The following PODNL1 variants were observed in gnomAD, a reference collection of about 807,000 sequenced individuals.
PODNL1 encodes the protein podocan like 1, also known as podocan-like protein 1.
Under a neutral mutation model 45.1 loss-of-function variants are expected in PODNL1, and 50 were observed. That is an observed-to-expected ratio of 1.11 (90% CI 0.88 to 1.40). The LOEUF (loss-of-function observed/expected upper bound fraction) is 1.40. PODNL1 is among the 40% of genes most tolerant of loss of function. The pLI is 0.00. For synonymous variants in PODNL1, 406 were observed against 372.5 expected (o/e 1.09, Z -1.04); for missense variants, 788 against 793.3 (o/e 0.99, Z 0.08).
At chr19:13,947,044 C>A (rs1387543155) in intron 1 of PODNL1, among the ~76,000 whole-genome samples, 9 of 138,478 alleles carry the variant, frequency 6.5e-5, no homozygotes, top group Admixed American at 7.1e-5. Flanking sequence ...AAAAAAAAAA[C>A]ACAAAAAAAC....
At position 13,932,916 on chromosome 19, in the gene PODNL1, A is replaced by AGCTGGTTGCG. The variant is rs1202439285; in HGVS notation, c.1306_1307insCGCAACCAGC (p.Met436ThrfsTer38). 4.4e-6 allele frequency: 7 copies of AGCTGGTTGCG among 1,582,304 alleles called. No homozygotes were observed. The highest frequency in any genetic ancestry group is 1.7e-4 in the Middle Eastern group (1 of 6,032). On this transcript the variant is annotated frameshift_variant, in exon 8 of 10. Transcript: ENST00000588872. LOFTEE classifies it high-confidence loss of function. Reference sequence around the variant, plus strand: ...GCCGGCCAGAGGCTCGGGCTCGAGCATCCGCAGCTGGTTGCGTTGCAGCTG... The same window carrying AGCTGGTTGCG: ...GCCGGCCAGAGGCTCGGGCTCGAGCAGCTGGTTGCGTCCGCAGCTGGTTGCGTTGCAGCTG...
chr19:13,936,545 C>A, intron 2 of PODNL1, 85 bp from the exon 3 acceptor site: 1 of 1,083,510 alleles, frequency 9.2e-7, no homozygotes, highest in Non-Finnish European at 1.4e-6. Context: ...CCCATCAGCC[C>A]AAACCAGCCC....
chr19:13,938,124 A>AG, intron 1 of PODNL1, 55 bp downstream of exon 1: 1 of 1,521,906 alleles, frequency 6.6e-7, no homozygotes, highest in Non-Finnish European at 8.9e-7. Flanking sequence ...TTGGCAGAGC[A>AG]GGGGTGGGGG....
intron 2 of PODNL1, 135 bp downstream of exon 2, chr19:13,937,650 A>C (rs1972461763): frequency 5.1e-6 from 4 of 787,100 alleles, no homozygotes; most frequent in Non-Finnish European, 8.0e-6. Context: ...GCTCCATCAC[A>C]GCCTGCTCTG....
rs750035660 is a variant in PODNL1, at chr19:13,933,289, G to A, written c.934C>T (p.Gln312Ter). Residue 312 changes from glutamine (Q) to a stop codon, truncating the protein, a stop_gained, in exon 8 of 10, where the codon CAG (glutamine) becomes TAG (stop). Transcript: ENST00000588872. LOFTEE classifies it high-confidence loss of function. The surrounding 1 kb of genome is among the most constrained non-coding windows in gnomAD (Gnocchi z 5.2). ...CCTGAGCTCCCCAGCTGGTTGTGCT[G>A]CAGCAACAAATAGCGCAGACCACGC... ...GARGLRYLLL[Q>*]HNQLGSSGLP... 3.8e-6 allele frequency: 6 copies of A among 1,578,140 alleles called. No individual in the cohort carries two copies. The East Asian group carries it at 6.9e-5, about 18-fold the overall frequency.
chr19:13,944,223 A>AGG (rs1972746005), intron 1 of PODNL1, among the ~76,000 whole-genome samples: 1 of 145,840 alleles, frequency 6.9e-6, no homozygotes, highest in African/African-American at 2.5e-5. Context: ...GCAGTGGCGC[A>AGG]ATCTCGGCGG....
At chr19:13,944,023 A>T (rs1972738498) in intron 1 of PODNL1, among the ~76,000 whole-genome samples, 1 of 152,100 alleles carries the variant, frequency 6.6e-6, no homozygotes, top group African/African-American at 2.4e-5. Flanking sequence ...AACAATGTAG[A>T]TCATTTCCAT....
intron 5 of PODNL1, 134 bp downstream of exon 5, chr19:13,935,587 A>C: frequency 1.6e-6 from 1 of 610,668 alleles, no homozygotes; most frequent in Non-Finnish European, 2.6e-6. Context: ...TTGGCCTCCC[A>C]AAGTGCTAGG....
intron 5 of PODNL1, 96 bp downstream of exon 5, chr19:13,935,625 C>T: frequency 1.0e-6 from 1 of 964,322 alleles, no homozygotes; most frequent in Non-Finnish European, 1.5e-6. Flanking sequence ...CTGCACCCGG[C>T]CGAGGGCAAG....
Position 13,938,293 on chromosome 19 carries a change from CAG to C in PODNL1, c.-114_-113del, listed in dbSNP as rs1972518496. On this transcript the variant is annotated 5_prime_UTR_variant, in exon 1 of 10. It removes the in-frame stop codon of an upstream open reading frame in the 5' UTR. Coordinates refer to ENST00000588872, the MANE Select transcript of PODNL1 (RefSeq NM_001370095.3). ...TGTGGCCACCACCGCCCCCCATCTCCAGACCCATGCCACCCCCCACAACAGCC... is the reference window on the plus strand; with the variant it reads ...TGTGGCCACCACCGCCCCCCATCTCCACCCATGCCACCCCCCACAACAGCC... 4 of 1,477,466 alleles carry C rather than the reference CAG, an allele frequency of 2.7e-6. No individual in the cohort carries two copies. In the African/African-American group the frequency reaches 5.6e-5, roughly 21 times the overall value. 91.5% of individuals were successfully genotyped at this position (1,477,466 alleles called of 1,614,324 possible).
chr19:13,936,161 C>T lies in PODNL1; in HGVS notation c.320-117G>A, dbSNP rs1972336803. On this transcript the variant is annotated intron_variant, in intron 3 of 9. Coordinates refer to ENST00000588872, the MANE Select transcript of PODNL1 (RefSeq NM_001370095.3). ...GGGAACTGGCAGAGGCTCCCCAGGCCCTCAGATCCCCTCCTCCCCATCCCT... is the reference window on the plus strand; with the variant it reads ...GGGAACTGGCAGAGGCTCCCCAGGCTCTCAGATCCCCTCCTCCCCATCCCT... 7 of 986,024 alleles carry T rather than the reference C, an allele frequency of 7.1e-6. 1 individual carries two copies. In the South Asian group the frequency reaches 8.9e-5, roughly 13 times the overall value. The allele number at this position is 986,024 out of a possible 1,614,324, so 61.1% of individuals were successfully genotyped here. A position where few individuals can be genotyped will look rare whatever the true frequency, so the allele number is the denominator to read the frequency against.
At chr19:13,947,493 GA>G (rs1031605485) in intron 1 of PODNL1, among the ~76,000 whole-genome samples, 8 of 142,964 alleles carry the variant, frequency 5.6e-5, no homozygotes, top group South Asian at 2.2e-4. Context: ...AAAAAAAAAA[GA>G]AAAAAAAAAG....
chr19:13,941,392 G>A (rs1474814730), upstream of PODNL1, among the ~76,000 whole-genome samples: 4 of 151,308 alleles, frequency 2.6e-5, no homozygotes, highest in Admixed American at 6.6e-5. Flanking sequence ...AAAGTATAGC[G>A]TCTGCTCAGC....
chr19:13,945,897 A>AAC (rs1568443170), intron 1 of PODNL1, among the ~76,000 whole-genome samples: 5 of 150,048 alleles, frequency 3.3e-5, no homozygotes, highest in Non-Finnish European at 1.5e-5. Context: ...AAAAAAAAAA[A>AAC]AACAAACTTT....
At chr19:13,935,213 G>A (rs1599431206) in intron 5 of PODNL1, among the ~76,000 whole-genome samples, 1 of 151,988 alleles carries the variant, frequency 6.6e-6, no homozygotes, top group African/African-American at 2.4e-5. Flanking sequence ...CAGCATACAG[G>A]GCCCTGTCTC....
At chr19:13,936,098 G>A (rs1014224485) in intron 3 of PODNL1, 54 bp from the exon 4 acceptor site, 2 of 1,452,820 alleles carry the variant, frequency 1.4e-6, no homozygotes. Context: ...GGGTGGAGGG[G>A]GAGTCTGGGC....
Position 13,932,981 on chromosome 19 carries a change from G to A in PODNL1, c.1242C>T (p.Thr414=). ...CAGTGGGCAGGCCCATGGGCAGCCG[G>A]GTTAGCTGATTCCCTGCCAGGTCGA... The part of the protein sequence containing the change: ...RSLDLAGNQL[T]RLPMGLPTGL... The change falls in exon 8 of 10, where the codon ACC becomes ACT. Residue 414 remains threonine (T), a synonymous_variant. Transcript: ENST00000588872. 6.4e-7 allele frequency: 1 copy of A among 1,552,068 alleles called. No individual in the cohort carries two copies. Among genetic ancestry groups the A allele is most frequent in the African/African-American group, 1.4e-5 (1 of 73,768 alleles).
intron 1 of PODNL1, among the ~76,000 whole-genome samples, chr19:13,951,469 C>A (rs930033286): frequency 1.3e-5 from 2 of 151,522 alleles, no homozygotes; most frequent in South Asian, 4.2e-4. Context: ...AACTCCGTCC[C>A]TACAAAAAAT....
At chr19:13,949,991 G>A (rs1896704073) in intron 1 of PODNL1, among the ~76,000 whole-genome samples, 1 of 151,906 alleles carries the variant, frequency 6.6e-6, no homozygotes, top group South Asian at 2.1e-4. Context: ...CTCCCGAGAA[G>A]CTGGACTACA....
Sources: gnomAD v4.1 joint callset for allele counts (sites outside exome capture counted in the v4.1 genomes callset) on GRCh38, gnomAD v4.1.1 for gene constraint, Gnocchi (gnomAD v3.1) non-coding constraint, MANE v1.5 for transcripts, NCBI Gene and HGNC (gene_info 2026-07-23, HGNC 2026-07-21) for gene names.